Variants in DNAAF1 observed in about 807,000 individuals in gnomAD.
DNAAF1 encodes dynein assembly factor 1, axonemal.
A neutral mutation model predicts 71.1 loss-of-function variants in DNAAF1; 65 were observed. The ratio of observed to expected loss-of-function variants is 0.91; its 90% CI spans 0.75 to 1.12. DNAAF1 has a LOEUF of 1.12. Among genes scored for constraint, DNAAF1 ranks in the 50% most tolerant of loss-of-function variants. DNAAF1 has a pLI of 0.00. For synonymous variants in DNAAF1, 414 were observed against 354.6 expected, an observed-to-expected ratio of 1.17 and a Z score of -1.88; for missense variants, 1,178 against 899.8, an observed-to-expected ratio of 1.31 and a Z score of -3.96.
intron 6 of DNAAF1, among the ~76,000 whole-genome samples, chr16:84,162,957 C>T (rs576385093): frequency 2.0e-5 from 3 of 152,318 alleles, no homozygotes; most frequent in East Asian, 1.9e-4. Flanking sequence ...TAAATGGAGT[C>T]ACTCACCATG....
chr16:84,169,785 C>G, intron 7 of DNAAF1, 74 bp from the exon 8 acceptor site: 1 of 1,593,632 alleles, frequency 6.3e-7, no homozygotes, highest in South Asian at 1.1e-5. Flanking sequence ...TTGCTGTGAG[C>G]CCTTGATGTA....
chr16:84,145,722 A>G (rs1208375399), intron 1 of DNAAF1, among the ~76,000 whole-genome samples, 158 bp downstream of exon 1: 2 of 152,216 alleles, frequency 1.3e-5, no homozygotes, highest in Non-Finnish European at 2.9e-5. Flanking sequence ...TTCTCTCGCC[A>G]TTTCGTACTG....
chr16:84,146,928 C>T (rs2086941738), intron 1 of DNAAF1, among the ~76,000 whole-genome samples: 1 of 152,176 alleles, frequency 6.6e-6, no homozygotes, highest in Non-Finnish European at 1.5e-5. Flanking sequence ...TCTTAAGCAT[C>T]AACTGTCCAG....
At chr16:84,174,434 G>C in intron 9 of DNAAF1, 2 of 1,407,460 alleles carry the variant, frequency 1.4e-6, no homozygotes, top group Non-Finnish European at 1.8e-6. Flanking sequence ...CTTTAAACAC[G>C]TCACACCTTG....
chr16:84,154,893 G>A, intron 4 of DNAAF1, 95 bp downstream of exon 4: 1 of 1,139,572 alleles, frequency 8.8e-7, no homozygotes, highest in South Asian at 1.3e-5. Flanking sequence ...GGCAAGAAGT[G>A]GTGTTTTTTT....
chr16:84,176,307 C>T lies in DNAAF1; in HGVS notation c.2065+8C>T, dbSNP rs761990499. The T allele has an allele frequency of 2.2e-5, 35 of 1,612,916 alleles. No individual in the cohort carries two copies. The highest frequency in any genetic ancestry group is 1.7e-4 in the Middle Eastern group (1 of 6,024). On this transcript the variant is annotated splice_region_variant and intron_variant, in intron 11 of 11. Transcript: ENST00000378553. ...TTGCAGCCTCTTCTCCGGGTAAGAG[C>T]GTGGGGCCGAGAGCACAGTGGAGAC...
chr16:84,174,903 T>C, intron 10 of DNAAF1, 181 bp downstream of exon 10: 1 of 751,466 alleles, frequency 1.3e-6, no homozygotes, highest in Non-Finnish European at 2.2e-6. Context: ...TCACCCAGGC[T>C]GCAGTGCAAT....
At chr16:84,147,798 G>A (rs1414883386) in intron 1 of DNAAF1, among the ~76,000 whole-genome samples, 1 of 152,106 alleles carries the variant, frequency 6.6e-6, no homozygotes, top group Non-Finnish European at 1.5e-5. Flanking sequence ...GGGCACGGTG[G>A]CTCACGCCTG....
intron 3 of DNAAF1, among the ~76,000 whole-genome samples, chr16:84,150,615 T>C (rs1477865371): frequency 6.9e-6 from 1 of 144,740 alleles, no homozygotes; most frequent in Non-Finnish European, 1.5e-5. Flanking sequence ...TTCTTTTCTT[T>C]CTTTTTTTTT....
chr16:84,152,197 T>C (rs1319656121), intron 3 of DNAAF1, among the ~76,000 whole-genome samples: 2 of 152,016 alleles, frequency 1.3e-5, no homozygotes, highest in Non-Finnish European at 2.9e-5. Context: ...AAGTTGGAGA[T>C]GGCTTGAACA....
At chr16:84,152,665 A>T (rs1332372452) in intron 3 of DNAAF1, among the ~76,000 whole-genome samples, 1 of 148,546 alleles carries the variant, frequency 6.7e-6, no homozygotes, top group African/African-American at 2.5e-5. Flanking sequence ...AAAAAAAAAA[A>T]AAAGTTGGCT....
chr16:84,145,475 GT>G lies in DNAAF1; in HGVS notation c.36del (p.Ala13GlnfsTer76), dbSNP rs2086854239. On this transcript the variant is annotated frameshift_variant, in exon 1 of 12. Coordinates refer to ENST00000378553, the MANE Select transcript of DNAAF1 (RefSeq NM_178452.6). LOFTEE classifies it high-confidence loss of function. ...GAGCCCTCGGAGCCTGCGACAGGTG[GT>G]GCAGCAGAGCTGGATTGCGCGCAGG... is the stretch of plus-strand genomic sequence containing the variant. ...HPEPSEPATG[G>X]AAELDCAQEP... The G allele has an allele frequency of 6.3e-7, 1 of 1,577,296 alleles. No homozygotes were observed. Among genetic ancestry groups the G allele is most frequent in the Non-Finnish European group, 8.6e-7 (1 of 1,161,822 alleles).
chr16:84,168,469 G>C (rs2088139640), intron 7 of DNAAF1, among the ~76,000 whole-genome samples: 1 of 152,022 alleles, frequency 6.6e-6, no homozygotes, highest in African/African-American at 2.4e-5. Context: ...TTAGAGACAG[G>C]GCCTTGCTAT....
intron 3 of DNAAF1, among the ~76,000 whole-genome samples, chr16:84,150,633 T>G (rs2087139329): frequency 6.9e-6 from 1 of 144,490 alleles, no homozygotes; most frequent in Admixed American, 6.8e-5. Flanking sequence ...TTTTTTTTTT[T>G]GAGATGGTGT....
At chr16:84,145,743 ATACT>A (rs930613333) in intron 1 of DNAAF1, among the ~76,000 whole-genome samples, 179 bp downstream of exon 1, 3 of 152,210 alleles carry the variant, frequency 2.0e-5, no homozygotes, top group Non-Finnish European at 4.4e-5. Flanking sequence ...AGGAGGAAAC[ATACT>A]TAAGAGGTTA....
chr16:84,172,730 G>C (rs143443573), intron 9 of DNAAF1: 422 of 1,172,056 alleles, frequency 3.6e-4, no homozygotes, highest in Admixed American at 1.9e-3. Flanking sequence ...ATCCAAATTC[G>C]TGGTGAGAGT....
At chr16:84,162,788 C>T (rs1377306209) in intron 6 of DNAAF1, among the ~76,000 whole-genome samples, 1 of 151,976 alleles carries the variant, frequency 6.6e-6, no homozygotes, top group Non-Finnish European at 1.5e-5. Flanking sequence ...CACTGCACTC[C>T]AGCCTGGGTG....
Position 84,145,395 on chromosome 16 carries a change from C to G in DNAAF1, c.-46C>G, listed in dbSNP as rs1478748913. 2 of 1,564,848 alleles carry G rather than the reference C, an allele frequency of 1.3e-6. No homozygotes were observed. The highest frequency in any genetic ancestry group is 1.7e-6 in the Non-Finnish European group (2 of 1,155,244). ...GGCCGTAGCGACGTCCGCCGCGAAC[C>G]TGGGCCCCCCAAAGCTGCGGGGCGT... On this transcript the variant is annotated 5_prime_UTR_variant, in exon 1 of 12. Coordinates refer to ENST00000378553, the MANE Select transcript of DNAAF1 (RefSeq NM_178452.6).
At chr16:84,172,880 G>A (rs1230182583) in intron 9 of DNAAF1, 6 of 1,012,780 alleles carry the variant, frequency 5.9e-6, no homozygotes, top group Non-Finnish European at 7.1e-6. Flanking sequence ...CCATCCCCTT[G>A]AGTGAATGTT....
Sources: allele counts gnomAD v4.1 joint callset (sites outside exome capture counted in the v4.1 genomes callset), GRCh38; gene constraint gnomAD v4.1.1; transcripts MANE v1.5; gene names NCBI Gene and HGNC (gene_info 2026-07-23, HGNC 2026-07-21).